VPS37A: variants seen among roughly 807,000 people sequenced by gnomAD.
VPS37A encodes VPS37A subunit of ESCRT-I, also known as vacuolar protein sorting-associated protein 37A.
VPS37A carries 30 observed loss-of-function variants against 49.8 expected under a neutral mutation model. The observed-to-expected ratio is 0.60, with a 90% CI of 0.45 to 0.82. The LOEUF (loss-of-function observed/expected upper bound fraction) is 0.82. Ranked by LOEUF, VPS37A falls within the 40% of genes least tolerant of loss-of-function variation. The pLI is 0.00. For missense variants in VPS37A, 593 were observed against 464.4 expected (o/e 1.28, Z -2.55); for synonymous variants, 195 against 160.6 (o/e 1.21, Z -1.62).
At chr8:17,251,358 A>G (rs1164743760) in intron 1 of VPS37A, among the ~76,000 whole-genome samples, 1 of 152,264 alleles carries the variant, frequency 6.6e-6, no homozygotes, top group Non-Finnish European at 1.5e-5. Context: ...TCCTATCTGT[A>G]AAATCAGCAA....
At position 17,296,975 on chromosome 8, in the gene VPS37A, G is replaced by A. The variant is rs559060797; in HGVS notation, c.*1989G>A. 6.6e-6 allele frequency: 1 copy of A among 152,160 alleles called. No individual in the cohort carries two copies. The highest frequency in any genetic ancestry group is 1.9e-4 in the East Asian group (1 of 5,182). 9.4% of individuals were successfully genotyped at this position (152,160 alleles called of 1,614,324 possible). ...TTATGTATGTCACCCACGATGAAAA[G>A]AATCTGCATTTGAATATGCCCGTAT... On this transcript the variant is annotated 3_prime_UTR_variant, in exon 12 of 12. Transcript: ENST00000324849.
In VPS37A at chr8:17,268,364, G is replaced by T; in HGVS notation, c.307G>T (p.Val103Leu). Residue 103 changes from valine (V) to leucine (L), a missense_variant, in exon 3 of 12, where the codon GTA (valine) becomes TTA (leucine). By Grantham distance (32) the Val-to-Leu change is conservative. Transcript: ENST00000324849. ...KQGVYVTSPL[V>L]NNFTMHSDLG... The stretch of plus-strand genomic sequence containing the variant: ...AGGAGTGTATGTTACCTCTCCATTA[G>T]TAAACAATGTATGTATATGGGATAA... 6.3e-7 allele frequency: 1 copy of T among 1,596,004 alleles called. No individual in the cohort carries two copies. Among genetic ancestry groups the T allele is most frequent in the Non-Finnish European group, 8.6e-7 (1 of 1,164,210 alleles).
the VPS37A span, chr8:17,311,955 C>T: frequency 4.4e-6 from 1 of 227,584 alleles, no homozygotes; most frequent in Non-Finnish European, 8.6e-6. Flanking sequence ...TGAGTTTCCA[C>T]ATTAAGCCTT....
rs115390343 is a variant in VPS37A at position 17,255,217 on chromosome 8, G to C, written c.125+7848G>C. On this transcript the variant is annotated intron_variant, in intron 1 of 11. Coordinates refer to ENST00000324849, the MANE Select transcript of VPS37A (RefSeq NM_152415.3). Reference sequence around the variant, plus strand: ...TGGGCTGGCTGCAGTGGCTCACTGAGCGCCTGTAATCCCAGCACTTTGGGA... The same window carrying C: ...TGGGCTGGCTGCAGTGGCTCACTGACCGCCTGTAATCCCAGCACTTTGGGA... Among the ~76,000 whole-genome samples, 695 of 152,270 alleles carry C rather than the reference G, an allele frequency of 4.6e-3. 11 individuals are homozygous for C. Among genetic ancestry groups the C allele is most frequent in the African/African-American group, 0.016 (650 of 41,564 alleles).
intron 1 of VPS37A, chr8:17,247,867 C>T: frequency 1.5e-6 from 1 of 667,480 alleles, no homozygotes; most frequent in Non-Finnish European, 2.7e-6. Flanking sequence ...TCACTTATCA[C>T]GTAGTCAGTC....
Position 17,287,198 on chromosome 8 carries a change from A to T in VPS37A, c.*771A>T, listed in dbSNP as rs563617051. ...GTTTGCAAGAATAGTTCCCACCCCA[A>T]CAAACTTAAGTAAAAGCTTATGTTA... On this transcript the variant is annotated intron_variant, in intron 11 of 11. Coordinates refer to ENST00000324849, the MANE Select transcript of VPS37A (RefSeq NM_152415.3). Among the ~76,000 whole-genome samples the T allele has an allele frequency of 3.0e-4, 45 of 152,228 alleles. 1 individual carries two copies. In the South Asian group the frequency reaches 8.3e-3, roughly 28 times the overall value.
At chr8:17,248,021 T>C in intron 1 of VPS37A, 4 of 503,246 alleles carry the variant, frequency 7.9e-6, no homozygotes, top group South Asian at 6.5e-5. Context: ...TTCTGTTGTC[T>C]TCCTGTGAGT....
chr8:17,251,029 C>G (rs77484694), intron 1 of VPS37A, among the ~76,000 whole-genome samples: 8,319 of 152,218 alleles, frequency 0.055, 246 homozygotes, highest in Middle Eastern at 0.11. Flanking sequence ...AATTCTGTTT[C>G]TTATACTTCC....
At chr8:17,323,773 C>T in the VPS37A span, among the ~76,000 whole-genome samples, 4 of 152,118 alleles carry the variant, frequency 2.6e-5, no homozygotes, top group Non-Finnish European at 4.4e-5. Context: ...CCACCTAGAG[C>T]CTTATGGAGA....
chr8:17,261,731 G>T (rs1812980756), intron 1 of VPS37A, among the ~76,000 whole-genome samples: 1 of 152,150 alleles, frequency 6.6e-6, no homozygotes, highest in Non-Finnish European at 1.5e-5. Context: ...CATCTCTAAT[G>T]GGGGAGCTCC....
At chr8:17,311,471 A>C in the VPS37A span, 1 of 1,613,166 alleles carries the variant, frequency 6.2e-7, no homozygotes, top group Admixed American at 1.7e-5. Flanking sequence ...ATTCCTGGTC[A>C]AGGCACCGCC....
chr8:17,273,311 A>G lies in VPS37A; in HGVS notation c.417-1422A>G, dbSNP rs577723096. 3.3e-5 allele frequency among the ~76,000 whole-genome samples: 5 copies of G among 152,244 alleles called. No individual in the cohort carries two copies. In the South Asian group the frequency reaches 1.0e-3, roughly 32 times the overall value. On this transcript the variant is annotated intron_variant, in intron 4 of 11. Transcript: ENST00000324849. The stretch of plus-strand genomic sequence containing the variant: ...TGAGCTTATTTGTTGGATAAATTCT[A>G]GAAGTGTAATGCACATTTGTAGTTT...
chr8:17,251,144 G>C (rs1811937725), intron 1 of VPS37A, among the ~76,000 whole-genome samples: 1 of 152,152 alleles, frequency 6.6e-6, no homozygotes, highest in Admixed American at 6.5e-5. Flanking sequence ...GGTGAATAAG[G>C]ATTGTTTATG....
intron 6 of VPS37A, 69 bp from the exon 7 acceptor site, chr8:17,279,959 G>T (rs765763241): frequency 6.3e-7 from 1 of 1,599,006 alleles, no homozygotes; most frequent in Non-Finnish European, 8.5e-7. Context: ...CTGAAAAATT[G>T]TAAATAGTTG....
chr8:17,272,807 C>T (rs1324117698), intron 4 of VPS37A, among the ~76,000 whole-genome samples: 2 of 151,586 alleles, frequency 1.3e-5, no homozygotes, highest in African/African-American at 2.4e-5. Context: ...ATTCACCTGG[C>T]TCAAAATTCA....
intron 1 of VPS37A, among the ~76,000 whole-genome samples, chr8:17,252,559 A>G (rs1036337808): frequency 2.0e-5 from 3 of 152,144 alleles, no homozygotes; most frequent in African/African-American, 7.2e-5. Flanking sequence ...GATTTCCCCT[A>G]TGTCCCCTGT....
intron 1 of VPS37A, among the ~76,000 whole-genome samples, chr8:17,255,570 A>G (rs1317243315): frequency 6.6e-6 from 1 of 152,204 alleles, no homozygotes; most frequent in Non-Finnish European, 1.5e-5. Context: ...ATTCTGTAAA[A>G]GGAAGCTTCA....
intron 1 of VPS37A, among the ~76,000 whole-genome samples, chr8:17,250,096 A>AT (rs1302345403): frequency 1.5e-4 from 23 of 152,234 alleles, no homozygotes; most frequent in Admixed American, 3.3e-4. Context: ...ACCTTTCTAG[A>AT]TTTTTTGTAG....
chr8:17,299,329 T>C (rs550622307), downstream of VPS37A: 5 of 152,610 alleles, frequency 3.3e-5, no homozygotes, highest in African/African-American at 9.6e-5. Context: ...GCCTGAAAGA[T>C]AAGCAATTAA....
Sources: gnomAD v4.1 joint callset for allele counts (sites outside exome capture counted in the v4.1 genomes callset) on GRCh38, gnomAD v4.1.1 for gene constraint, MANE v1.5 for transcripts, NCBI Gene and HGNC (gene_info 2026-07-23, HGNC 2026-07-21) for gene names.